FLVCR2: variants seen among roughly 807,000 people sequenced by gnomAD.
FLVCR2 encodes the protein FLVCR choline and putative heme transporter 2, also known as choline/ethanolamine transporter FLVCR2.
A neutral mutation model predicts 48.9 loss-of-function variants in FLVCR2; 38 were observed. The observed-to-expected ratio is 0.78, with a 90% CI of 0.60 to 1.02. The LOEUF (loss-of-function observed/expected upper bound fraction) is 1.02. Ranked by LOEUF, FLVCR2 falls within the 50% of genes least tolerant of loss-of-function variation. The pLI, the probability that FLVCR2 is intolerant of heterozygous loss-of-function variation, is 0.00. For synonymous variants in FLVCR2, 255 were observed against 257.0 expected (o/e 0.99, Z 0.07); for missense variants, 664 against 663.3 (o/e 1.00, Z -0.01).
chr14:75,623,356 T>G (rs530342711), intron 2 of FLVCR2, among the ~76,000 whole-genome samples: 1 of 152,268 alleles, frequency 6.6e-6, no homozygotes, highest in African/African-American at 2.4e-5. Context: ...TTTACATCCC[T>G]TTTTTTCAGC....
rs897332036 is a variant in FLVCR2, at chr14:75,578,746, C to G, written c.-227C>G. ...GCGGCGTGTGCGGCCGGCCTTGGGA[C>G]AGCGATCGCCGCGGGTGGCAACAGA... is the stretch of plus-strand genomic sequence containing the variant. On this transcript the variant is annotated 5_prime_UTR_variant, in exon 1 of 10. Coordinates refer to ENST00000238667, the MANE Select transcript of FLVCR2 (RefSeq NM_017791.3). The G allele has an allele frequency of 2.0e-5, 12 of 598,814 alleles. No individual in the cohort carries two copies. The highest frequency in any genetic ancestry group is 3.3e-5 in the Non-Finnish European group (11 of 338,206). The allele number at this position is 598,814 out of a possible 1,614,324, so 37.1% of individuals were successfully genotyped here.
At chr14:75,607,978 G>A (rs1047465367) in intron 1 of FLVCR2, among the ~76,000 whole-genome samples, 1 of 152,196 alleles carries the variant, frequency 6.6e-6, no homozygotes, top group South Asian at 2.1e-4. Context: ...GGGAGCTAGA[G>A]AGGATCACTT....
rs558756410 is a variant in FLVCR2, at chr14:75,637,396, A to G, written c.1125-1956A>G. On this transcript the variant is annotated intron_variant, in intron 5 of 9. Transcript: ENST00000238667. ...TAGCGTGCCATTTGGTGCCTCCACC[A>G]TGATTCTGGCTTCAGGGGTGATGTG... Among the ~76,000 whole-genome samples the G allele has an allele frequency of 1.1e-3, 173 of 152,368 alleles. 1 individual carries two copies. Among genetic ancestry groups the G allele is most frequent in the African/African-American group, 3.9e-3 (161 of 41,582 alleles).
At chr14:75,606,946 GAAAA>G (rs935012030) in intron 1 of FLVCR2, among the ~76,000 whole-genome samples, 8 of 137,796 alleles carry the variant, frequency 5.8e-5, no homozygotes, top group Non-Finnish European at 1.3e-4. Context: ...CCTGTCTTAA[GAAAA>G]AAAAAAAAGC....
At position 75,624,596 on chromosome 14, in the gene FLVCR2, GT is replaced by G; in HGVS notation, c.812-9del. The G allele has an allele frequency of 6.2e-7, 1 of 1,614,026 alleles. No individual in the cohort carries two copies. The highest frequency in any genetic ancestry group is 8.5e-7 in the Non-Finnish European group (1 of 1,179,952). On this transcript the variant is annotated splice_polypyrimidine_tract_variant and intron_variant, in intron 2 of 9. Transcript: ENST00000238667. ...ACCATGGGAATTTTCAGCCATCTCT[GT>G]TTTTTTCCTTTCAGTGTTCAAGGAG...
intron 9 of FLVCR2, among the ~76,000 whole-genome samples, chr14:75,644,087 A>T (rs1890362952): frequency 6.6e-6 from 1 of 152,184 alleles, no homozygotes; most frequent in South Asian, 2.1e-4. Flanking sequence ...ACTTGGGTAA[A>T]TATATGTATA....
At position 75,634,933 on chromosome 14, in the gene FLVCR2, A is replaced by T; in HGVS notation, c.1044A>T (p.Arg348Ser). ...HYPGEEVNAGRIGLTIVIAGM... is the reference protein window; with the variant it reads ...HYPGEEVNAGSIGLTIVIAGM... Reference sequence around the variant, plus strand: ...AGGGGGAAGAAGTGAATGCTGGAAGAATTGGCCTGACGATCGTCATTGCAG... The same window carrying T: ...AGGGGGAAGAAGTGAATGCTGGAAGTATTGGCCTGACGATCGTCATTGCAG... Residue 348 changes from arginine (R) to serine (S), a missense_variant, in exon 5 of 10, where the codon AGA becomes AGT. By Grantham distance (110) the Arg-to-Ser change is moderately radical. Coordinates refer to ENST00000238667, the MANE Select transcript of FLVCR2 (RefSeq NM_017791.3). 6.2e-7 allele frequency: 1 copy of T among 1,613,926 alleles called. No individual in the cohort carries two copies. The highest frequency in any genetic ancestry group is 2.2e-5 in the East Asian group (1 of 44,890).
At chr14:75,629,394 C>T (rs1281926150) in intron 3 of FLVCR2, among the ~76,000 whole-genome samples, 11 of 152,136 alleles carry the variant, frequency 7.2e-5, no homozygotes, top group African/African-American at 2.7e-4. Flanking sequence ...GCGGAAATAT[C>T]ATATCAGTAA....
chr14:75,595,436 T>C (rs939162210), intron 1 of FLVCR2, among the ~76,000 whole-genome samples: 9 of 152,174 alleles, frequency 5.9e-5, no homozygotes, highest in African/African-American at 2.2e-4. Context: ...AGGCTGATCA[T>C]ATGGTATCAC....
intron 1 of FLVCR2, among the ~76,000 whole-genome samples, chr14:75,599,346 G>T (rs1345959191): frequency 6.8e-6 from 1 of 148,142 alleles, no homozygotes; most frequent in Admixed American, 6.8e-5. Context: ...AAAAAATTAA[G>T]AAACAATTCC....
rs1890432855 is a variant in FLVCR2, at chr14:75,646,865, C to G, written c.*393C>G. 2 of 333,192 alleles carry G rather than the reference C, an allele frequency of 6.0e-6. No individual in the cohort carries two copies. The highest frequency in any genetic ancestry group is 4.3e-5 in the African/African-American group (2 of 46,500). 20.6% of individuals were successfully genotyped at this position (333,192 alleles called of 1,614,324 possible). A position where few individuals can be genotyped will look rare whatever the true frequency, so the allele number is the denominator to read the frequency against. On this transcript the variant is annotated 3_prime_UTR_variant, in exon 10 of 10. Coordinates refer to ENST00000238667, the MANE Select transcript of FLVCR2 (RefSeq NM_017791.3). Reference sequence around the variant, plus strand: ...TATTCAGGATATTAACTTGAAATTTCCAGTGTCCTAAGAGCCTCTCATGAA... The same window carrying G: ...TATTCAGGATATTAACTTGAAATTTGCAGTGTCCTAAGAGCCTCTCATGAA...
chr14:75,584,094 G>T (rs933294353), intron 1 of FLVCR2, among the ~76,000 whole-genome samples: 1 of 152,182 alleles, frequency 6.6e-6, no homozygotes, highest in Non-Finnish European at 1.5e-5. Flanking sequence ...GGAATCCCGG[G>T]CTGCGGGCAT....
Position 75,621,976 on chromosome 14 carries a change from T to C in FLVCR2, c.670-103T>C, listed in dbSNP as rs950989209. 1.1e-4 allele frequency: 128 copies of C among 1,186,768 alleles called. 2 individuals are homozygous for C. The highest frequency in any genetic ancestry group is 3.2e-4 in the Admixed American group (19 of 59,444). The allele number at this position is 1,186,768 out of a possible 1,614,324, so 73.5% of individuals were successfully genotyped here. ...ATCCCTGCATGGGTGTTAGGAAGGA[T>C]TGGAAGTTGGAAATTAGATTTCTTA... On this transcript the variant is annotated intron_variant, in intron 1 of 9. Coordinates refer to ENST00000238667, the MANE Select transcript of FLVCR2 (RefSeq NM_017791.3).
chr14:75,618,223 G>A (rs1889665217), intron 1 of FLVCR2, among the ~76,000 whole-genome samples: 1 of 152,208 alleles, frequency 6.6e-6, no homozygotes, highest in Admixed American at 6.5e-5. Flanking sequence ...GGAGGCATGA[G>A]TCATACTTTT....
chr14:75,613,474 C>T (rs1216892361), intron 1 of FLVCR2, among the ~76,000 whole-genome samples: 4 of 152,044 alleles, frequency 2.6e-5, no homozygotes, highest in Non-Finnish European at 5.9e-5. Context: ...GAAATCTGCC[C>T]CCCTGACCCA....
intron 1 of FLVCR2, chr14:75,604,217 T>G (rs1163589512): frequency 2.0e-5 from 3 of 152,284 alleles, no homozygotes; most frequent in African/African-American, 7.2e-5. Context: ...TTGTTTGATC[T>G]CGGAAGCTAA....
At chr14:75,638,458 A>C (rs1890222557) in intron 5 of FLVCR2, among the ~76,000 whole-genome samples, 1 of 152,022 alleles carries the variant, frequency 6.6e-6, no homozygotes, top group African/African-American at 2.4e-5. Flanking sequence ...CAAAAGAAAA[A>C]AAAGAAAAGA....
At chr14:75,586,212 T>C (rs1888745367) in intron 1 of FLVCR2, among the ~76,000 whole-genome samples, 1 of 152,170 alleles carries the variant, frequency 6.6e-6, no homozygotes, top group Non-Finnish European at 1.5e-5. Flanking sequence ...CTTACAGGTT[T>C]TGGGATAGGC....
chr14:75,596,129 A>G (rs890764694), intron 1 of FLVCR2: 6 of 861,776 alleles, frequency 7.0e-6, no homozygotes, highest in Non-Finnish European at 1.2e-5. Flanking sequence ...GGTGAAGGAT[A>G]TCAATGACTG....
Sources: allele counts gnomAD v4.1 joint callset (sites outside exome capture counted in the v4.1 genomes callset), GRCh38; gene constraint gnomAD v4.1.1; transcripts MANE v1.5; gene names NCBI Gene and HGNC (gene_info 2026-07-23, HGNC 2026-07-21).